Variants in SHROOM3 observed in about 807,000 individuals in gnomAD.
The protein encoded by SHROOM3 is shroom family member 3.
SHROOM3 carries 47 observed loss-of-function variants against 138.6 expected under a neutral mutation model. The ratio of observed to expected loss-of-function variants is 0.34; its 90% CI spans 0.27 to 0.43. The LOEUF is 0.43. Among genes scored for constraint, SHROOM3 ranks in the 20% least tolerant of loss-of-function variants. The probability of loss-of-function intolerance (pLI) is 1.00; values close to 1 mark genes in which losing one functional copy is unlikely to be tolerated. For missense variants in SHROOM3, 2,491 were observed against 2,596.5 expected (o/e 0.96, Z 0.88); for synonymous variants, 1,062 against 1,063.3 (o/e 1.00, Z 0.02).
intron 2 of SHROOM3, among the ~76,000 whole-genome samples, chr4:76,648,516 T>C (rs1187719152): frequency 6.6e-6 from 1 of 152,106 alleles, no homozygotes; most frequent in Non-Finnish European, 1.5e-5. Flanking sequence ...ATTTTTTTTT[T>C]TAGCAGCCTC....
At chr4:76,483,630 G>A (rs1002252973) in intron 1 of SHROOM3, among the ~76,000 whole-genome samples, 1 of 152,116 alleles carries the variant, frequency 6.6e-6, no homozygotes, top group Non-Finnish European at 1.5e-5. Flanking sequence ...ATTTGACCTA[G>A]CAATCCTATT....
chr4:76,488,729 A>C lies in SHROOM3; in HGVS notation c.168+52509A>C, dbSNP rs187697853. Among the ~76,000 whole-genome samples the C allele has an allele frequency of 1.4e-4, 21 of 152,370 alleles. No homozygotes were observed. In the East Asian group the frequency reaches 4.0e-3, roughly 29 times the overall value. Reference sequence around the variant, plus strand: ...AGACTGTTGACAGGTGGCCAAGCCCAGGAAAAAAGTATTAGTAATAACAAC... The same window carrying C: ...AGACTGTTGACAGGTGGCCAAGCCCCGGAAAAAAGTATTAGTAATAACAAC... On this transcript the variant is annotated intron_variant, in intron 1 of 10. Coordinates refer to ENST00000296043, the MANE Select transcript of SHROOM3 (RefSeq NM_020859.4).
At chr4:76,617,860 T>G (rs1296449762) in intron 2 of SHROOM3, among the ~76,000 whole-genome samples, 1 of 152,278 alleles carries the variant, frequency 6.6e-6, no homozygotes, top group East Asian at 1.9e-4. Flanking sequence ...ACTGTTAGAA[T>G]GAGAATTTGA....
intron 2 of SHROOM3, among the ~76,000 whole-genome samples, chr4:76,640,165 A>AC (rs1326134250): frequency 6.6e-6 from 1 of 152,002 alleles, no homozygotes; most frequent in Non-Finnish European, 1.5e-5. Context: ...TGTTTTGTAT[A>AC]CCCTGTGAGG....
chr4:76,570,905 G>A (rs910070942), intron 2 of SHROOM3, among the ~76,000 whole-genome samples: 2 of 152,124 alleles, frequency 1.3e-5, no homozygotes, highest in Non-Finnish European at 2.9e-5. Context: ...AAGAATGGGG[G>A]CACTTGACAC....
intron 1 of SHROOM3, among the ~76,000 whole-genome samples, chr4:76,490,231 A>T (rs1313726008): frequency 6.6e-6 from 1 of 152,128 alleles, no homozygotes; most frequent in Non-Finnish European, 1.5e-5. Flanking sequence ...GAAAAGGAAG[A>T]CTTAGCCGGC....
intron 3 of SHROOM3, among the ~76,000 whole-genome samples, chr4:76,715,107 A>T (rs933484049): frequency 2.0e-5 from 3 of 152,210 alleles, no homozygotes; most frequent in Non-Finnish European, 4.4e-5. Flanking sequence ...GACATGTCAC[A>T]GAGGCCTATA....
chr4:76,521,822 A>G (rs1020765205), intron 1 of SHROOM3, among the ~76,000 whole-genome samples: 1 of 152,186 alleles, frequency 6.6e-6, no homozygotes, highest in Non-Finnish European at 1.5e-5. Context: ...TGGGAATACA[A>G]AAAAACATAA....
intron 2 of SHROOM3, among the ~76,000 whole-genome samples, chr4:76,653,195 G>A (rs911721653): frequency 6.6e-6 from 1 of 152,076 alleles, no homozygotes; most frequent in Admixed American, 6.6e-5. Flanking sequence ...ACCACTAAGC[G>A]GTCAGGGTTA....
At chr4:76,474,745 C>T (rs1731447734) in intron 1 of SHROOM3, among the ~76,000 whole-genome samples, 1 of 151,412 alleles carries the variant, frequency 6.6e-6, no homozygotes, top group Non-Finnish European at 1.5e-5. Context: ...TAAAACCCAT[C>T]TCTACTAAAA....
chr4:76,759,261 G>A (rs1721918427), intron 8 of SHROOM3, among the ~76,000 whole-genome samples: 1 of 152,200 alleles, frequency 6.6e-6, no homozygotes, highest in Non-Finnish European at 1.5e-5. Flanking sequence ...CACAAAAGCA[G>A]AGAGGTTAAA....
At chr4:76,556,924 G>A (rs1733495139) in intron 2 of SHROOM3, among the ~76,000 whole-genome samples, 1 of 152,074 alleles carries the variant, frequency 6.6e-6, no homozygotes, top group Non-Finnish European at 1.5e-5. Flanking sequence ...CTAGTGTGCT[G>A]GGCTGTGTCT....
At chr4:76,748,744 CTTAG>C (rs1419226952) in intron 5 of SHROOM3, among the ~76,000 whole-genome samples, 1 of 148,882 alleles carries the variant, frequency 6.7e-6, no homozygotes, top group African/African-American at 2.5e-5. Context: ...GGAGACTTCT[CTTAG>C]TTAGGAAACA....
At chr4:76,609,585 C>G (rs139428897) in intron 2 of SHROOM3, among the ~76,000 whole-genome samples, 11 of 152,326 alleles carry the variant, frequency 7.2e-5, no homozygotes, top group Admixed American at 3.3e-4. Context: ...GAATCTGTAT[C>G]TGACCATGTT....
rs1244203486 is a variant in SHROOM3 at position 76,754,471 on chromosome 4, C to A, written c.3988C>A (p.Pro1330Thr). The A allele has an allele frequency of 6.2e-7, 1 of 1,614,148 alleles. No homozygotes were observed. The highest frequency in any genetic ancestry group is 2.2e-5 in the East Asian group (1 of 44,882). ...LDHQRQASRTPCPRPPLAGTQ... is the reference protein window; with the variant it reads ...LDHQRQASRTTCPRPPLAGTQ... Reference sequence around the variant, plus strand: ...CCATCAGAGGCAAGCCAGTAGGACACCCTGCCCCAGGCCACCACTGGCAGG... The same window carrying A: ...CCATCAGAGGCAAGCCAGTAGGACAACCTGCCCCAGGCCACCACTGGCAGG... Residue 1330 changes from proline (P) to threonine (T), a missense_variant, in exon 7 of 11, where the codon CCC (proline) becomes ACC (threonine). This residue lies in a region of SHROOM3 where 1,733 missense variants were observed against 1,661.6 expected (regional missense o/e 1.04). Coordinates refer to ENST00000296043, the MANE Select transcript of SHROOM3 (RefSeq NM_020859.4).
At chr4:76,637,604 T>G (rs541666658) in intron 2 of SHROOM3, 1 of 152,312 alleles carries the variant, frequency 6.6e-6, no homozygotes, top group African/African-American at 2.4e-5. Context: ...AACTTCACAA[T>G]CACTGGCTCC....
At chr4:76,491,679 C>T (rs938854825) in intron 1 of SHROOM3, among the ~76,000 whole-genome samples, 2 of 152,142 alleles carry the variant, frequency 1.3e-5, no homozygotes, top group Non-Finnish European at 2.9e-5. Flanking sequence ...AGAGCCCTGA[C>T]ACTGGGGAGC....
intron 2 of SHROOM3, among the ~76,000 whole-genome samples, chr4:76,646,225 A>AATAAATATATAATAT (rs61374645): frequency 1.0e-5 from 1 of 96,268 alleles, no homozygotes; most frequent in Non-Finnish European, 2.0e-5. Context: ...ATAATAAATA[A>AATAAATATATAATAT]ATATATATAT....
chr4:76,671,162 G>A (rs1165126953), intron 2 of SHROOM3, among the ~76,000 whole-genome samples: 1 of 152,124 alleles, frequency 6.6e-6, no homozygotes, highest in Non-Finnish European at 1.5e-5. Flanking sequence ...AACAAACCAA[G>A]CAGACCCCTG....
Sources: gnomAD v4.1 joint callset for allele counts (sites outside exome capture counted in the v4.1 genomes callset) on GRCh38, gnomAD v4.1.1 for gene constraint, gnomAD v4.1.1 regional missense constraint, MANE v1.5 for transcripts, NCBI Gene and HGNC (gene_info 2026-07-23, HGNC 2026-07-21) for gene names.